The following SNTG1 variants were observed in gnomAD, a reference collection of about 807,000 sequenced individuals.
SNTG1 encodes gamma-1-syntrophin.
A neutral mutation model predicts 74.7 loss-of-function variants in SNTG1; 39 were observed. The observed-to-expected ratio is 0.52, with a 90% CI of 0.40 to 0.68. SNTG1 has a LOEUF of 0.68. Among genes scored for constraint, SNTG1 ranks in the 30% least tolerant of loss-of-function variants. The pLI is 0.00. For missense variants in SNTG1, 685 were observed against 609.5 expected (o/e 1.12, Z -1.30); for synonymous variants, 254 against 217.1 (o/e 1.17, Z -1.49).
chr8:50,556,895 C>T lies in SNTG1; in HGVS notation c.810+3716C>T, dbSNP rs557732531. On this transcript the variant is annotated intron_variant, in intron 12 of 18. Transcript: ENST00000642720. ...AGCATTTTTAGAAATCCAGTACATT[C>T]TAACCCACACTAATCACATGCTGAG... Among the ~76,000 whole-genome samples, 15 of 152,268 alleles carry T rather than the reference C, an allele frequency of 9.9e-5. No homozygotes were observed. The South Asian group carries it at 2.9e-3, about 29-fold the overall frequency.
intron 2 of SNTG1, among the ~76,000 whole-genome samples, chr8:50,240,273 A>C (rs1339191041): frequency 6.6e-6 from 1 of 152,204 alleles, no homozygotes; most frequent in African/African-American, 2.4e-5. Context: ...AAGGATTCCA[A>C]GCACTTTTCT....
At chr8:50,536,871 C>T (rs575046696) in intron 11 of SNTG1, 63 bp downstream of exon 11, 5 of 1,586,308 alleles carry the variant, frequency 3.2e-6, no homozygotes, top group Admixed American at 1.7e-5. Context: ...TTTAGAAAAC[C>T]TTTTGACATA....
chr8:50,783,138 G>T (rs1046244206), intron 18 of SNTG1, among the ~76,000 whole-genome samples: 1 of 152,174 alleles, frequency 6.6e-6, no homozygotes, highest in African/African-American at 2.4e-5. Context: ...CTGCTCGGGG[G>T]TCAGGGGTCA....
At chr8:50,284,310 GATTGAGATTATAAA>G (rs1563843219) in intron 2 of SNTG1, among the ~76,000 whole-genome samples, 59 of 151,472 alleles carry the variant, frequency 3.9e-4, no homozygotes, top group African/African-American at 1.3e-3. Context: ...CTTATGAATA[GATTGAGATTATAAA>G]TTTCAGAGAG....
chr8:49,961,086 G>C (rs1021097717), intron 1 of SNTG1, among the ~76,000 whole-genome samples: 3 of 152,140 alleles, frequency 2.0e-5, no homozygotes, highest in Admixed American at 6.5e-5. Flanking sequence ...CATATGGACA[G>C]TTGTCAGTGG....
chr8:50,183,970 T>TA (rs760291843), intron 2 of SNTG1, among the ~76,000 whole-genome samples: 25 of 152,188 alleles, frequency 1.6e-4, no homozygotes, highest in Non-Finnish European at 3.2e-4. Flanking sequence ...TATCCCTTCT[T>TA]ACTATGAAGG....
intron 12 of SNTG1, among the ~76,000 whole-genome samples, chr8:50,558,030 G>T (rs1440767787): frequency 6.6e-6 from 1 of 152,038 alleles, no homozygotes; most frequent in African/African-American, 2.4e-5. Context: ...CACTCTCTTT[G>T]GTCTTCTCTC....
intron 1 of SNTG1, among the ~76,000 whole-genome samples, chr8:50,167,002 C>T (rs2082637632): frequency 7.0e-6 from 1 of 142,642 alleles, no homozygotes; most frequent in African/African-American, 2.9e-5. Context: ...AACCATCATT[C>T]TCAGTAAACT....
intron 2 of SNTG1, among the ~76,000 whole-genome samples, chr8:50,267,317 G>A (rs4873442): frequency 0.33 from 49,647 of 151,942 alleles, 8,613 homozygotes; most frequent in African/African-American, 0.45. Flanking sequence ...TCAGTAATAA[G>A]ATGAAAAATG....
In SNTG1 at chr8:50,658,648, G is replaced by A; in HGVS notation, c.1023G>A (p.Met341Ile). The change falls in exon 15 of 19, where the codon ATG becomes ATA. Residue 341 changes from methionine (M) to isoleucine (I), a missense_variant. By Grantham distance (10) the Met-to-Ile change is conservative (BLOSUM62 1). Coordinates refer to ENST00000642720, the MANE Select transcript of SNTG1 (RefSeq NM_018967.5). ...AEKTFSVYEI[M>I]CKILKDSDLL... ...AAACATTCTCAGTTTATGAGATTAT[G>A]TGCAAGATCCTCAAGGTATGATCAA... 6.2e-7 allele frequency: 1 copy of A among 1,610,448 alleles called. No homozygotes were observed. The highest frequency in any genetic ancestry group is 8.5e-7 in the Non-Finnish European group (1 of 1,177,566).
At chr8:50,400,485 G>A (rs1194118748) in intron 3 of SNTG1, among the ~76,000 whole-genome samples, 5 of 152,084 alleles carry the variant, frequency 3.3e-5, no homozygotes, top group African/African-American at 1.2e-4. Flanking sequence ...GAGTGCAGAT[G>A]TCCCTTTGAC....
At chr8:50,099,577 C>A (rs2080049343) in intron 1 of SNTG1, among the ~76,000 whole-genome samples, 1 of 152,074 alleles carries the variant, frequency 6.6e-6, no homozygotes, top group Non-Finnish European at 1.5e-5. Flanking sequence ...ATGCTGCTCT[C>A]CACAGTAACT....
intron 2 of SNTG1, among the ~76,000 whole-genome samples, chr8:50,310,536 A>G (rs373946624): frequency 6.6e-6 from 1 of 152,228 alleles, no homozygotes; most frequent in African/African-American, 2.4e-5. Flanking sequence ...TAAAAATACA[A>G]AATTAGCCAG....
At chr8:50,698,000 G>T (rs1450700403) in intron 15 of SNTG1, among the ~76,000 whole-genome samples, 3 of 152,126 alleles carry the variant, frequency 2.0e-5, no homozygotes, top group African/African-American at 7.2e-5. Flanking sequence ...AGTTTCAGGA[G>T]TATTGGCACC....
At chr8:49,953,729 G>A (rs982565933) in intron 1 of SNTG1, among the ~76,000 whole-genome samples, 3 of 152,150 alleles carry the variant, frequency 2.0e-5, no homozygotes, top group African/African-American at 7.2e-5. Context: ...TCAGGCATTG[G>A]TATTGTTATT....
At chr8:50,043,298 C>T (rs1337360959) in intron 1 of SNTG1, among the ~76,000 whole-genome samples, 1 of 152,158 alleles carries the variant, frequency 6.6e-6, no homozygotes, top group Non-Finnish European at 1.5e-5. Flanking sequence ...ATGATGTCCA[C>T]ATACAGAGAA....
In SNTG1 at chr8:50,313,837, A is replaced by G. The variant is rs566853745; in HGVS notation, c.-27-80375A>G. ...CTCCCTTTATCATAATTTGTTTTCC[A>G]GAAATATTTAAAAGTAAGTTTTGAC... On this transcript the variant is annotated intron_variant, in intron 2 of 18. Coordinates refer to ENST00000642720, the MANE Select transcript of SNTG1 (RefSeq NM_018967.5). Among the ~76,000 whole-genome samples the G allele has an allele frequency of 1.7e-4, 25 of 150,022 alleles. 5 individuals carry two copies. The highest frequency in any genetic ancestry group is 6.0e-4 in the African/African-American group (24 of 40,328).
At chr8:50,000,519 T>C (rs1814646745) in intron 1 of SNTG1, among the ~76,000 whole-genome samples, 1 of 152,152 alleles carries the variant, frequency 6.6e-6, no homozygotes, top group South Asian at 2.1e-4. Flanking sequence ...GTAAAGGGTG[T>C]TTAAAGACTT....
At chr8:50,425,257 G>A (rs2093147406) in intron 4 of SNTG1, among the ~76,000 whole-genome samples, 1 of 3,776 alleles carries the variant, frequency 2.6e-4, no homozygotes, top group Admixed American at 1.9e-3. Flanking sequence ...AGCAGGAGGT[G>A]ACTGCTGCTG....
Sources: gnomAD v4.1 joint callset for allele counts (sites outside exome capture counted in the v4.1 genomes callset) on GRCh38, gnomAD v4.1.1 for gene constraint, MANE v1.5 for transcripts, NCBI Gene and HGNC (gene_info 2026-07-23, HGNC 2026-07-21) for gene names.